The following WIF1 variants were observed in gnomAD, a reference collection of about 807,000 sequenced individuals.
The protein encoded by WIF1 is Wnt inhibitory factor 1.
A neutral mutation model predicts 53.5 loss-of-function variants in WIF1; 35 were observed. That is an observed-to-expected ratio of 0.65 (90% CI 0.50 to 0.87). The LOEUF (loss-of-function observed/expected upper bound fraction) is 0.87, where lower values mean the gene tolerates loss of function less well. WIF1 is among the 40% of genes least tolerant of loss of function. The probability of loss-of-function intolerance (pLI) is 0.00; values close to 1 mark genes in which losing one functional copy is unlikely to be tolerated. For synonymous variants in WIF1, 171 were observed against 170.4 expected, an observed-to-expected ratio of 1.00 and a Z score of -0.03; for missense variants, 467 against 476.8, an observed-to-expected ratio of 0.98 and a Z score of 0.19.
Position 65,050,820 on chromosome 12 carries a change from T to A in WIF1, c.*529A>T. ...AATGCCACTACCACAGTGTAATTTT[T>A]TTTTTTTTAATACTGAATCTCTGGA... On this transcript the variant is annotated 3_prime_UTR_variant, in exon 10 of 10. Coordinates refer to ENST00000286574, the MANE Select transcript of WIF1 (RefSeq NM_007191.5). 1 of 201,226 alleles carries A rather than the reference T, an allele frequency of 5.0e-6. No homozygotes were observed. Among genetic ancestry groups the A allele is most frequent in the Non-Finnish European group, 1.0e-5 (1 of 97,764 alleles). 12.5% of individuals were successfully genotyped at this position (201,226 alleles called of 1,614,324 possible). A position where few individuals can be genotyped will look rare whatever the true frequency, so the allele number is the denominator to read the frequency against.
At position 65,083,813 on chromosome 12, in the gene WIF1, TTTC is replaced by T. The variant is rs1380639857; in HGVS notation, c.289-5962_289-5960del. 76 of 348,154 alleles carry T rather than the reference TTTC, an allele frequency of 2.2e-4. 2 individuals carry two copies. The highest frequency in any genetic ancestry group is 1.5e-3 in the African/African-American group (60 of 40,238). 21.6% of individuals were successfully genotyped at this position (348,154 alleles called of 1,614,324 possible). A position where few individuals can be genotyped will look rare whatever the true frequency, so the allele number is the denominator to read the frequency against. On this transcript the variant is annotated intron_variant, in intron 2 of 9. Transcript: ENST00000286574. ...TTTCCTTTCCTTTCCTTTCCTTTCCTTTCCTCTCCTCTTTTCTCTTTTCTTTTC... is the reference window on the plus strand; with the variant it reads ...TTTCCTTTCCTTTCCTTTCCTTTCCTCTCTCCTCTTTTCTCTTTTCTTTTC...
intron 2 of WIF1, 123 bp downstream of exon 2, chr12:65,120,294 G>T: frequency 4.0e-6 from 4 of 1,002,012 alleles, no homozygotes; most frequent in Non-Finnish European, 4.1e-6. Context: ...TATTTGCTTT[G>T]GCAATCAGAT....
In WIF1 at chr12:65,055,776, AAAAAC is replaced by A. The variant is rs200504911; in HGVS notation, c.922+250_922+254del. On this transcript the variant is annotated intron_variant, in intron 8 of 9. Transcript: ENST00000286574. ...GGCGACAGAGAGAGACTCCGTCTCA[AAAAAC>A]AAAACAAAACAAAACAAAGAAACCA... Among the ~76,000 whole-genome samples, 340 of 152,384 alleles carry A rather than the reference AAAAAC, an allele frequency of 2.2e-3. 3 individuals carry two copies. The East Asian group carries it at 0.026, about 11-fold the overall frequency.
chr12:65,073,041 C>T (rs1308321615), intron 3 of WIF1, among the ~76,000 whole-genome samples: 3 of 152,204 alleles, frequency 2.0e-5, no homozygotes, highest in African/African-American at 4.8e-5. Flanking sequence ...TTGCATACTG[C>T]TCCCACACAC....
At chr12:65,063,353 G>A (rs1397053686) in intron 6 of WIF1, among the ~76,000 whole-genome samples, 4 of 152,178 alleles carry the variant, frequency 2.6e-5, no homozygotes, top group African/African-American at 7.2e-5. Context: ...GAGAGGGGAG[G>A]AGAGGAAATA....
intron 2 of WIF1, among the ~76,000 whole-genome samples, chr12:65,114,176 A>G (rs200499705): frequency 1.3e-5 from 2 of 150,340 alleles, no homozygotes; most frequent in Non-Finnish European, 3.0e-5. Context: ...TATTTTTTTT[A>G]TTTTTTTTTG....
At position 65,055,270 on chromosome 12, in the gene WIF1, T is replaced by C. The variant is rs895038770; in HGVS notation, c.923-57A>G. On this transcript the variant is annotated intron_variant, in intron 8 of 9. Coordinates refer to ENST00000286574, the MANE Select transcript of WIF1 (RefSeq NM_007191.5). ...CTGAGCTTTCCTTTTTCAACAGAAT[T>C]ACATAGTTGCTTTCCTTGCAATTCT... 4.5e-6 allele frequency: 7 copies of C among 1,560,732 alleles called. No homozygotes were observed. The African/African-American group carries it at 9.6e-5, about 21-fold the overall frequency.
Position 65,068,910 on chromosome 12 carries a change from AG to A in WIF1, c.398-7del. Reference sequence around the variant, plus strand: ...TGGGAAACCAACTTGAACAACTAAAAGAAAAAAAGAGAAAGTGTGGAGAAAT... The same window carrying A: ...TGGGAAACCAACTTGAACAACTAAAAAAAAAAAGAGAAAGTGTGGAGAAAT... On this transcript the variant is annotated splice_polypyrimidine_tract_variant and splice_region_variant and intron_variant, in intron 3 of 9. Coordinates refer to ENST00000286574, the MANE Select transcript of WIF1 (RefSeq NM_007191.5). 4.3e-6 allele frequency: 7 copies of A among 1,610,378 alleles called. No individual in the cohort carries two copies. The highest frequency in any genetic ancestry group is 5.9e-6 in the Non-Finnish European group (7 of 1,178,786).
chr12:65,065,200 T>C (rs893321357), intron 6 of WIF1, among the ~76,000 whole-genome samples: 1 of 152,106 alleles, frequency 6.6e-6, no homozygotes, highest in Non-Finnish European at 1.5e-5. Flanking sequence ...AGTTATAATA[T>C]ATAGCTCAGG....
intron 2 of WIF1, among the ~76,000 whole-genome samples, chr12:65,115,864 A>G (rs186249833): frequency 1.0e-3 from 156 of 152,314 alleles, no homozygotes; most frequent in African/African-American, 3.3e-3. Flanking sequence ...GAATCTGATG[A>G]GCATTAATAA....
chr12:65,075,137 T>C (rs1036506512), intron 3 of WIF1, among the ~76,000 whole-genome samples: 6 of 152,194 alleles, frequency 3.9e-5, no homozygotes, highest in Non-Finnish European at 5.9e-5. Flanking sequence ...AGCACTGTGA[T>C]GATCAAAGAG....
rs190990859 is a variant in WIF1 at position 65,072,391 on chromosome 12, C to T, written c.398-3487G>A. Among the ~76,000 whole-genome samples, 51 of 152,214 alleles carry T rather than the reference C, an allele frequency of 3.4e-4. 1 individual carries two copies. In the East Asian group the frequency reaches 9.5e-3, roughly 28 times the overall value. On this transcript the variant is annotated intron_variant, in intron 3 of 9. Transcript: ENST00000286574. ...ATTACATTTATATATTTTACAAACA[C>T]CTATATATATTATTTCATTGTGGTG...
chr12:65,072,955 T>C (rs1017348546), intron 3 of WIF1, among the ~76,000 whole-genome samples: 8 of 152,298 alleles, frequency 5.3e-5, no homozygotes, highest in South Asian at 4.1e-4. Flanking sequence ...CTCACAGCAT[T>C]GAAGTACAGA....
rs1375523205 is a variant in WIF1, at chr12:65,115,506, G to A, written c.288+4911C>T. Among the ~76,000 whole-genome samples, 4 of 152,278 alleles carry A rather than the reference G, an allele frequency of 2.6e-5. No homozygotes were observed. In the East Asian group the frequency reaches 7.7e-4, roughly 29 times the overall value. On this transcript the variant is annotated intron_variant, in intron 2 of 9. Coordinates refer to ENST00000286574, the MANE Select transcript of WIF1 (RefSeq NM_007191.5). ...TTTCCAAATAAAATGTTTAATTAGT[G>A]CCTTATTTAGAAAACTAAAATTGTT...
chr12:65,091,450 C>T (rs1200885400), intron 2 of WIF1, among the ~76,000 whole-genome samples: 1 of 151,052 alleles, frequency 6.6e-6, no homozygotes, highest in African/African-American at 2.4e-5. Context: ...GTCTTATTCC[C>T]TATCTTTGAG....
At chr12:65,110,369 C>G (rs61924767) in intron 2 of WIF1, among the ~76,000 whole-genome samples, 1 of 151,980 alleles carries the variant, frequency 6.6e-6, no homozygotes, top group South Asian at 2.1e-4. Context: ...TAGCCTTTCT[C>G]CCTGTGCCTT....
intron 8 of WIF1, 113 bp from the exon 9 acceptor site, chr12:65,055,326 T>G (rs1018945910): frequency 3.8e-5 from 46 of 1,195,726 alleles, no homozygotes; most frequent in Non-Finnish European, 4.8e-5. Context: ...CTTCATCCTC[T>G]AATTTTTTTT....
intron 2 of WIF1, among the ~76,000 whole-genome samples, chr12:65,109,484 A>G (rs1883398216): frequency 6.6e-6 from 1 of 152,132 alleles, no homozygotes; most frequent in Admixed American, 6.6e-5. Context: ...TTGGGTTCCC[A>G]TATACATACA....
intron 2 of WIF1, among the ~76,000 whole-genome samples, chr12:65,102,666 G>T (rs1462737889): frequency 6.6e-6 from 1 of 152,180 alleles, no homozygotes; most frequent in African/African-American, 2.4e-5. Flanking sequence ...GTTTTTGCCA[G>T]TATGTTCAGC....
Sources: gnomAD v4.1 joint callset for allele counts (sites outside exome capture counted in the v4.1 genomes callset) on GRCh38, gnomAD v4.1.1 for gene constraint, MANE v1.5 for transcripts, NCBI Gene and HGNC (gene_info 2026-07-23, HGNC 2026-07-21) for gene names.